The following ZNF629 variants were observed in gnomAD, a reference collection of about 807,000 sequenced individuals.
The protein encoded by ZNF629 is DNA-binding protein.
A neutral mutation model predicts 59.7 loss-of-function variants in ZNF629; 9 were observed. The observed-to-expected ratio is 0.15, with a 90% confidence interval of 0.09 to 0.26. ZNF629 has a LOEUF of 0.26. Among genes scored for constraint, ZNF629 ranks in the 10% least tolerant of loss-of-function variants. The probability of loss-of-function intolerance (pLI) is 1.00; values close to 1 mark genes in which losing one functional copy is unlikely to be tolerated. For missense variants in ZNF629, 853 were observed against 1,165.4 expected, an observed-to-expected ratio of 0.73 and a Z score of 3.90; for synonymous variants, 509 against 498.9, an observed-to-expected ratio of 1.02 and a Z score of -0.27.
intron 1 of ZNF629, among the ~76,000 whole-genome samples, chr16:30,785,337 G>C (rs1040471100): frequency 1.3e-5 from 2 of 152,176 alleles, no homozygotes; most frequent in African/African-American, 4.8e-5. Context: ...CAAGGTCAAG[G>C]CTGGGAAGTG....
In ZNF629 at chr16:30,783,095, G is replaced by A; in HGVS notation, c.1233C>T (p.Phe411=). ...GGTTGATGAGGTTGGAGCTGACGCT[G>A]AAGCTCTTGCCGCACTCTGGGCACT... ...PYKCPECGKS[F]SVSSNLINHQ... is the part of the protein sequence containing the mutation. Residue 411 remains phenylalanine (F), a synonymous_variant, in exon 3 of 3, where the codon TTC becomes TTT. Coordinates refer to ENST00000262525, the MANE Select transcript of ZNF629 (RefSeq NM_001080417.3). 6.2e-7 allele frequency: 1 copy of A among 1,614,136 alleles called. No individual in the cohort carries two copies. Among genetic ancestry groups the A allele is most frequent in the Non-Finnish European group, 8.5e-7 (1 of 1,180,024 alleles).
chr16:30,782,686 C>T lies in ZNF629; in HGVS notation c.1642G>A (p.Gly548Ser). The part of the protein sequence containing the change: ...RGKTPARRAQ[G>S]DSLLGLGDPS... ...TCCCCGAGCCCCAGCAGGCTGTCGC[C>T]CTGGGCCCTACGCGCTGGGGTCTTC... The change falls in exon 3 of 3, where the codon GGC becomes AGC. Residue 548 changes from glycine to serine, a missense_variant. Gly to Ser is a moderately conservative substitution (Grantham distance 56). Coordinates refer to ENST00000262525, the MANE Select transcript of ZNF629 (RefSeq NM_001080417.3). 6.2e-7 allele frequency: 1 copy of T among 1,605,470 alleles called. No homozygotes were observed. Among genetic ancestry groups the T allele is most frequent in the Non-Finnish European group, 8.5e-7 (1 of 1,176,300 alleles).
rs1210959558 is a variant in ZNF629, at chr16:30,784,402, C to A, written c.73+8G>T. ...GCCGGGACCGCAGCCCCTTCTTGTG[C>A]CCCTCACCTCTGTGAGCATCGTTGG... On this transcript the variant is annotated splice_region_variant and intron_variant, in intron 2 of 2. Transcript: ENST00000262525. The A allele has an allele frequency of 6.4e-7, 1 of 1,563,496 alleles. No homozygotes were observed. Among genetic ancestry groups the A allele is most frequent in the Non-Finnish European group, 8.6e-7 (1 of 1,156,496 alleles).
At chr16:30,785,258 G>A (rs1206829168) in intron 1 of ZNF629, among the ~76,000 whole-genome samples, 1 of 152,200 alleles carries the variant, frequency 6.6e-6, no homozygotes, top group East Asian at 1.9e-4. Context: ...CCCACAGCCT[G>A]GTGAGGAGAC....
Position 30,782,618 on chromosome 16 carries a change from C to T in ZNF629, c.1710G>A (p.Lys570=). Residue 570 remains lysine, a synonymous_variant, in exon 3 of 3, where the codon AAG becomes AAA. Transcript: ENST00000262525. ...TGAAGCCCTTTCCGCACACGAGACA[C>T]TTGTGCGGCTTGGCTCCCGGCGGCG... ...LTPPPGAKPH[K]CLVCGKGFND... The T allele has an allele frequency of 6.4e-7, 1 of 1,568,576 alleles. No individual in the cohort carries two copies. Among genetic ancestry groups the T allele is most frequent in the Non-Finnish European group, 8.6e-7 (1 of 1,156,410 alleles).
chr16:30,784,280 C>G, intron 2 of ZNF629, 26 bp from the exon 3 acceptor site: 1 of 1,579,426 alleles, frequency 6.3e-7, no homozygotes, highest in Non-Finnish European at 8.6e-7. Flanking sequence ...GAGTCTACAG[C>G]CCCCAGCCCC....
Position 30,783,977 on chromosome 16 carries a change from G to T in ZNF629, c.351C>A (p.Gly117=), listed in dbSNP as rs1418832716. 1.4e-5 allele frequency: 22 copies of T among 1,576,796 alleles called. No individual in the cohort carries two copies. The highest frequency in any genetic ancestry group is 1.9e-5 in the Non-Finnish European group (22 of 1,161,648). ...TKACEASWQW[G]ALTTWNSPPV... ...GGGGGCTGTTCCATGTGGTGAGAGC[G>T]CCCCACTGCCAGCTGGCCTCGCAGG... The change falls in exon 3 of 3, where the codon GGC becomes GGA. Residue 117 remains glycine (G), a synonymous_variant. Coordinates refer to ENST00000262525, the MANE Select transcript of ZNF629 (RefSeq NM_001080417.3).
Position 30,781,910 on chromosome 16 carries a change from G to A in ZNF629, c.2418C>T (p.Val806=). The A allele has an allele frequency of 6.5e-7, 1 of 1,540,652 alleles. No homozygotes were observed. Among genetic ancestry groups the A allele is most frequent in the Middle Eastern group, 1.8e-4 (1 of 5,692 alleles). Reference sequence around the variant, plus strand: ...CACCTTCCTGATCTGTGGACAGGGTGACTGCCTCTGGAGGGGGGTCCTCGG... The same window carrying A: ...CACCTTCCTGATCTGTGGACAGGGTAACTGCCTCTGGAGGGGGGTCCTCGG... ...PNPEDPPPEA[V]TLSTDQEGEG... The change falls in exon 3 of 3, where the codon GTC becomes GTT. Residue 806 remains valine (V), a synonymous_variant. Coordinates refer to ENST00000262525, the MANE Select transcript of ZNF629 (RefSeq NM_001080417.3).
Position 30,782,614 on chromosome 16 carries a change from G to T in ZNF629, c.1714C>A (p.Leu572Ile). ...PPPGAKPHKC[L>I]VCGKGFNDEG... ...TCGTTGAAGCCCTTTCCGCACACGA[G>T]ACACTTGTGCGGCTTGGCTCCCGGC... Residue 572 changes from leucine to isoleucine, a missense_variant, in exon 3 of 3, where the codon CTC becomes ATC. Leu to Ile is a conservative substitution (Grantham distance 5). This residue lies in a region of ZNF629 where 420 missense variants were observed against 435.6 expected (regional missense o/e 0.96). Transcript: ENST00000262525. The T allele has an allele frequency of 6.4e-7, 1 of 1,568,198 alleles. No individual in the cohort carries two copies. The highest frequency in any genetic ancestry group is 1.2e-5 in the South Asian group (1 of 86,268).
chr16:30,784,955 T>C (rs1161958136), intron 1 of ZNF629, among the ~76,000 whole-genome samples: 1 of 152,116 alleles, frequency 6.6e-6, no homozygotes, highest in East Asian at 1.9e-4. Flanking sequence ...TAAACTTTTC[T>C]GTGCCCCAGA....
Position 30,783,063 on chromosome 16 carries a change from C to A in ZNF629, c.1265G>T (p.Arg422Leu), listed in dbSNP as rs1222571278. The A allele has an allele frequency of 6.2e-7, 1 of 1,613,858 alleles. No homozygotes were observed. Among genetic ancestry groups the A allele is most frequent in the Non-Finnish European group, 8.5e-7 (1 of 1,180,002 alleles). Residue 422 changes from arginine (R) to leucine (L), a missense_variant, in exon 3 of 3, where the codon CGC becomes CTC. Arg to Leu is a moderately radical substitution (Grantham distance 102). Transcript: ENST00000262525. ...GTAGGGCCGCTCGCCGCGGTGGATG[C>A]GCTGGTGGTTGATGAGGTTGGAGCT... Reference protein sequence around the residue: ...SVSSNLINHQRIHRGERPYIC... With the variant: ...SVSSNLINHQLIHRGERPYIC...
chr16:30,783,902 G>T lies in ZNF629; in HGVS notation c.426C>A (p.Arg142=). 1 of 1,597,840 alleles carries T rather than the reference G, an allele frequency of 6.3e-7. No homozygotes were observed. Among genetic ancestry groups the T allele is most frequent in the South Asian group, 1.1e-5 (1 of 88,878 alleles). Residue 142 remains arginine, a synonymous_variant, in exon 3 of 3, where the codon CGC becomes CGA. Coordinates refer to ENST00000262525, the MANE Select transcript of ZNF629 (RefSeq NM_001080417.3). The stretch of plus-strand genomic sequence containing the variant: ...TGTAGGGCTTCTCCGCCCCCGCCGG[G>T]CGGCCCTGCACCAGCTCCCGCAGGC... ...EPSLRELVQG[R]PAGAEKPYIC...
chr16:30,783,233 C>A lies in ZNF629; in HGVS notation c.1095G>T (p.Gln365His), dbSNP rs1316876734. ...ACGGGTCCTCGCGCAGGTGAGTCCG[C>A]TGGTGCTTGATGAGGGTGGAGCTGT... is the stretch of plus-strand genomic sequence containing the variant. ...FGHSSTLIKHQRTHLREDPFK... is the reference protein window; with the variant it reads ...FGHSSTLIKHHRTHLREDPFK... The change falls in exon 3 of 3, where the codon CAG becomes CAT. Residue 365 changes from glutamine to histidine, a missense_variant. Around this residue, in one of 3 missense-constraint regions of ZNF629, gnomAD observed 201 missense variants for 536.5 expected, o/e 0.37. Transcript: ENST00000262525. 6.2e-7 allele frequency: 1 copy of A among 1,612,524 alleles called. No homozygotes were observed. Among genetic ancestry groups the A allele is most frequent in the Non-Finnish European group, 8.5e-7 (1 of 1,179,576 alleles).
chr16:30,786,201 T>A lies in ZNF629; in HGVS notation c.-34+827A>T, dbSNP rs1041907526. On this transcript the variant is annotated intron_variant, in intron 1 of 2. Transcript: ENST00000262525. The surrounding 1 kb of genome is among the most constrained non-coding windows in gnomAD (Gnocchi z 4.8). ...GGAAGTAAATTAATTTCTTCATCTCTGCAGCTACTTAAGCTCCGAGAATCC... is the reference window on the plus strand; with the variant it reads ...GGAAGTAAATTAATTTCTTCATCTCAGCAGCTACTTAAGCTCCGAGAATCC... Among the ~76,000 whole-genome samples, 1 of 152,156 alleles carries A rather than the reference T, an allele frequency of 6.6e-6. No homozygotes were observed. Among genetic ancestry groups the A allele is most frequent in the African/African-American group, 2.4e-5 (1 of 41,422 alleles).
chr16:30,784,012 A>C lies in ZNF629; in HGVS notation c.316T>G (p.Trp106Gly). 6.4e-7 allele frequency: 1 copy of C among 1,573,576 alleles called. No individual in the cohort carries two copies. Among genetic ancestry groups the C allele is most frequent in the Non-Finnish European group, 8.6e-7 (1 of 1,160,790 alleles). Residue 106 changes from tryptophan (W) to glycine (G), a missense_variant, in exon 3 of 3, where the codon TGG (tryptophan) becomes GGG (glycine). By Grantham distance (184) the Trp-to-Gly change is radical. Coordinates refer to ENST00000262525, the MANE Select transcript of ZNF629 (RefSeq NM_001080417.3). The part of the protein sequence containing the change: ...APEVVPTPSD[W>G]TKACEASWQW... ...CAGCTGGCCTCGCAGGCCTTGGTCC[A>C]GTCAGATGGGGTAGGGACTACCTCC... is the stretch of plus-strand genomic sequence containing the variant.
In ZNF629 at chr16:30,780,980, G is replaced by T. The variant is rs1276798548; in HGVS notation, c.*738C>A. ...ATTTGTTTTTTCTTCCCCATTTTGGGGTTTTGATAAGGGATTCCATAGGCC... is the reference window on the plus strand; with the variant it reads ...ATTTGTTTTTTCTTCCCCATTTTGGTGTTTTGATAAGGGATTCCATAGGCC... On this transcript the variant is annotated 3_prime_UTR_variant, in exon 3 of 3. Coordinates refer to ENST00000262525, the MANE Select transcript of ZNF629 (RefSeq NM_001080417.3). 1.3e-5 allele frequency: 2 copies of T among 151,778 alleles called. No homozygotes were observed. Among genetic ancestry groups the T allele is most frequent in the African/African-American group, 4.8e-5 (2 of 41,260 alleles). The allele number at this position is 151,778 out of a possible 1,614,324, so 9.4% of individuals were successfully genotyped here.
Position 30,779,337 on chromosome 16 carries a change from G to T in ZNF629, c.*2381C>A, listed in dbSNP as rs1330771795. On this transcript the variant is annotated 3_prime_UTR_variant, in exon 3 of 3. Transcript: ENST00000262525. The stretch of plus-strand genomic sequence containing the variant: ...GAACAGATTCCTTAGGCCTGTTTTT[G>T]AGAGCATCTGCTTCTGGCTTTGCGA... The T allele has an allele frequency of 6.6e-6, 1 of 152,222 alleles. No homozygotes were observed. Among genetic ancestry groups the T allele is most frequent in the East Asian group, 1.9e-4 (1 of 5,202 alleles). The allele number at this position is 152,222 out of a possible 1,614,324, so 9.4% of individuals were successfully genotyped here. A position where few individuals can be genotyped will look rare whatever the true frequency, so the allele number is the denominator to read the frequency against.
chr16:30,786,776 T>A lies in ZNF629; in HGVS notation c.-34+252A>T, dbSNP rs2054336776. On this transcript the variant is annotated intron_variant, in intron 1 of 2. Transcript: ENST00000262525. This position sits in a 1 kb window ranked among gnomAD's most constrained non-coding sequence, Gnocchi z 4.8. ...TCCTCCAGGGCTGCGCTGGCAGCGC[T>A]GGTCCCCGGCCCCGGCCGATCCCTC... Among the ~76,000 whole-genome samples the A allele has an allele frequency of 6.6e-6, 1 of 151,552 alleles. No individual in the cohort carries two copies. Among genetic ancestry groups the A allele is most frequent in the African/African-American group, 2.4e-5 (1 of 41,130 alleles).
chr16:30,781,946 T>C lies in ZNF629; in HGVS notation c.2382A>G (p.Lys794=), dbSNP rs1456151952. Residue 794 remains lysine (K), a synonymous_variant, in exon 3 of 3, where the codon AAA becomes AAG. Coordinates refer to ENST00000262525, the MANE Select transcript of ZNF629 (RefSeq NM_001080417.3). The part of the protein sequence containing the change: ...TRHQETHTQE[K]PPNPEDPPPE... ...GAGGGGGGTCCTCGGGATTGGGGGG[T>C]TTTTCCTGGGTGTGGGTTTCTTGGT... 4 of 1,480,660 alleles carry C rather than the reference T, an allele frequency of 2.7e-6. No individual in the cohort carries two copies. The highest frequency in any genetic ancestry group is 1.4e-5 in the African/African-American group (1 of 69,166). 91.7% of individuals were successfully genotyped at this position (1,480,660 alleles called of 1,614,324 possible). A position where few individuals can be genotyped will look rare whatever the true frequency, so the allele number is the denominator to read the frequency against.
Sources: allele counts gnomAD v4.1 joint callset (sites outside exome capture counted in the v4.1 genomes callset), GRCh38; gene constraint gnomAD v4.1.1; regional missense constraint gnomAD v4.1.1; non-coding constraint Gnocchi (gnomAD v3.1); transcripts MANE v1.5; gene names NCBI Gene and HGNC (gene_info 2026-07-23, HGNC 2026-07-21).